BACH2: variants seen among roughly 807,000 people sequenced by gnomAD.
The protein encoded by BACH2 is BACH transcriptional regulator 2, also known as transcription regulator protein BACH2.
A neutral mutation model predicts 61.8 loss-of-function variants in BACH2; 5 were observed. The ratio of observed to expected loss-of-function variants is 0.08; its 90% CI spans 0.04 to 0.17. BACH2 has a LOEUF of 0.17. Ranked by LOEUF, BACH2 falls within the 10% of genes least tolerant of loss-of-function variation. The pLI, the probability that BACH2 is intolerant of heterozygous loss-of-function variation, is 1.00. For synonymous variants in BACH2, 446 were observed against 440.1 expected, an observed-to-expected ratio of 1.01 and a Z score of -0.17; for missense variants, 824 against 1,091.1, an observed-to-expected ratio of 0.76 and a Z score of 3.45.
chr6:90,295,165 C>T (rs1466517188), intron 1 of BACH2, among the ~76,000 whole-genome samples: 1 of 152,068 alleles, frequency 6.6e-6, no homozygotes, highest in African/African-American at 2.4e-5. Context: ...TTCCTGGAGG[C>T]CACAGGTCAC....
At chr6:90,141,472 T>C (rs1784456894) in intron 4 of BACH2, among the ~76,000 whole-genome samples, 1 of 149,246 alleles carries the variant, frequency 6.7e-6, no homozygotes, top group East Asian at 2.0e-4. Context: ...TAAGCCACCA[T>C]ACCCCGCCCC....
chr6:90,143,399 G>T (rs1270501297), intron 4 of BACH2, among the ~76,000 whole-genome samples: 2 of 152,138 alleles, frequency 1.3e-5, no homozygotes, highest in Non-Finnish European at 2.9e-5. Flanking sequence ...GCAACGCTGG[G>T]CAAGTTACTT....
chr6:89,961,942 C>T (rs904616453), intron 6 of BACH2, among the ~76,000 whole-genome samples: 7 of 152,200 alleles, frequency 4.6e-5, no homozygotes, highest in East Asian at 1.9e-4. Context: ...TATTGATAAG[C>T]CATGTGTCCA....
At chr6:89,960,099 C>T (rs1774658487) in intron 6 of BACH2, among the ~76,000 whole-genome samples, 1 of 152,234 alleles carries the variant, frequency 6.6e-6, no homozygotes, top group Admixed American at 6.5e-5. Flanking sequence ...CTTTCATCCC[C>T]TCCAGCCCTA....
At chr6:90,261,793 TATATACTG>T (rs1236671372) in intron 2 of BACH2, among the ~76,000 whole-genome samples, 1 of 152,142 alleles carries the variant, frequency 6.6e-6, no homozygotes, top group African/African-American at 2.4e-5. Flanking sequence ...CTTATATACT[TATATACTG>T]ATGAGATCAC....
At chr6:90,154,774 G>A (rs1015311190) in intron 4 of BACH2, among the ~76,000 whole-genome samples, 1 of 152,316 alleles carries the variant, frequency 6.6e-6, no homozygotes, top group African/African-American at 2.4e-5. Context: ...GAATAGCACT[G>A]CGTTAGTCAG....
intron 5 of BACH2, among the ~76,000 whole-genome samples, chr6:90,022,420 C>A (rs1456867958): frequency 2.0e-5 from 3 of 152,134 alleles, no homozygotes; most frequent in African/African-American, 7.2e-5. Flanking sequence ...CCTGTCTCTA[C>A]TAAAAATACA....
chr6:89,993,560 T>G (rs1250188489), intron 6 of BACH2, among the ~76,000 whole-genome samples: 1 of 152,134 alleles, frequency 6.6e-6, no homozygotes, highest in Non-Finnish European at 1.5e-5. Flanking sequence ...GCCTTACAGG[T>G]GCAGATCCAT....
At chr6:90,256,557 T>C (rs180803812) in intron 2 of BACH2, among the ~76,000 whole-genome samples, 1 of 152,338 alleles carries the variant, frequency 6.6e-6, no homozygotes, top group African/African-American at 2.4e-5. Flanking sequence ...TAAGACCTCA[T>C]GTGAATAAGG....
chr6:90,043,215 G>GT (rs1251467011), intron 5 of BACH2, among the ~76,000 whole-genome samples: 1 of 152,142 alleles, frequency 6.6e-6, no homozygotes, highest in Non-Finnish European at 1.5e-5. Context: ...GTTTGAATGT[G>GT]TCCCCCAAAA....
rs537857488 is a variant in BACH2, at chr6:89,974,140, T to C, written c.244-22278A>G. Among the ~76,000 whole-genome samples, 3 of 152,284 alleles carry C rather than the reference T, an allele frequency of 2.0e-5. No individual in the cohort carries two copies. The South Asian group carries it at 6.2e-4, about 32-fold the overall frequency. Reference sequence around the variant, plus strand: ...TTAAAAACACAGACATTTGCATCTTTAGTGAGTCTTACTCTTGTCATTGAA... The same window carrying C: ...TTAAAAACACAGACATTTGCATCTTCAGTGAGTCTTACTCTTGTCATTGAA... On this transcript the variant is annotated intron_variant, in intron 6 of 8. Transcript: ENST00000257749.
chr6:90,255,706 G>A (rs1233284551), intron 2 of BACH2, among the ~76,000 whole-genome samples: 1 of 152,226 alleles, frequency 6.6e-6, no homozygotes, highest in African/African-American at 2.4e-5. Flanking sequence ...CTAGCTAGAA[G>A]CAGCAAGGTT....
intron 4 of BACH2, among the ~76,000 whole-genome samples, chr6:90,151,745 T>A (rs1035063157): frequency 2.6e-5 from 4 of 152,218 alleles, no homozygotes; most frequent in Admixed American, 2.0e-4. Flanking sequence ...TACTCCTAAA[T>A]CTGTAGTGTC....
chr6:90,017,177 C>A (rs2127783724), intron 5 of BACH2, among the ~76,000 whole-genome samples: 2 of 152,188 alleles, frequency 1.3e-5, no homozygotes, highest in East Asian at 3.9e-4. Flanking sequence ...CCGTCGCTCA[C>A]AAATGCCCAT....
Position 90,143,701 on chromosome 6 carries a change from C to G in BACH2, c.-161-54592G>C, listed in dbSNP as rs575225068. Among the ~76,000 whole-genome samples the G allele has an allele frequency of 2.1e-3, 316 of 152,030 alleles. 2 individuals carry two copies. Among genetic ancestry groups the G allele is most frequent in the Non-Finnish European group, 3.2e-3 (221 of 68,016 alleles). On this transcript the variant is annotated intron_variant, in intron 4 of 8. Transcript: ENST00000257749. ...GCTTCTCCTCTTTGGCAATGTTTTC[C>G]TCATCCTTCATGAAACAGCTGAAAC...
At position 90,188,475 on chromosome 6, in the gene BACH2, T is replaced by C. The variant is rs78483423; in HGVS notation, c.-162+18094A>G. Among the ~76,000 whole-genome samples the C allele has an allele frequency of 8.6e-4, 131 of 152,036 alleles. 2 individuals are homozygous for C. In the East Asian group the frequency reaches 0.022, roughly 25 times the overall value. On this transcript the variant is annotated intron_variant, in intron 4 of 8. Transcript: ENST00000257749. ...CATTATTTGGTACCCGGGCACTGAT[T>C]TATTCATATCTATTAAAATACATAT...
At chr6:89,939,476 G>A (rs556777638) in intron 7 of BACH2, among the ~76,000 whole-genome samples, 6 of 152,152 alleles carry the variant, frequency 3.9e-5, no homozygotes, top group Middle Eastern at 3.4e-3. Flanking sequence ...TAAGTTTTGG[G>A]GTGATTTATT....
At chr6:90,138,653 C>T (rs1459205800) in intron 4 of BACH2, among the ~76,000 whole-genome samples, 1 of 151,944 alleles carries the variant, frequency 6.6e-6, no homozygotes, top group Non-Finnish European at 1.5e-5. Context: ...ATATGAATTA[C>T]TGAGGCGAAT....
chr6:90,267,396 A>C (rs1359155715), intron 2 of BACH2, among the ~76,000 whole-genome samples: 1 of 152,124 alleles, frequency 6.6e-6, no homozygotes, highest in Non-Finnish European at 1.5e-5. Context: ...CAGAGAGAGA[A>C]CACTTAAAAA....
Sources: allele counts gnomAD v4.1 joint callset (sites outside exome capture counted in the v4.1 genomes callset), GRCh38; gene constraint gnomAD v4.1.1; transcripts MANE v1.5; gene names NCBI Gene and HGNC (gene_info 2026-07-23, HGNC 2026-07-21).